SND1: variants seen among roughly 807,000 people sequenced by gnomAD.
The protein encoded by SND1 is staphylococcal nuclease domain-containing protein 1.
A neutral mutation model predicts 121.7 loss-of-function variants in SND1; 38 were observed. The observed-to-expected ratio is 0.31, with a 90% CI of 0.24 to 0.41. The LOEUF (loss-of-function observed/expected upper bound fraction) is 0.41. SND1 is among the 10% of genes least tolerant of loss of function. The probability of loss-of-function intolerance (pLI) is 1.00; values close to 1 mark genes in which losing one functional copy is unlikely to be tolerated. For synonymous variants in SND1, 401 were observed against 447.4 expected (o/e 0.90, Z 1.31); for missense variants, 868 against 1,184.6 (o/e 0.73, Z 3.92).
rs563516194 is a variant in SND1 at position 127,934,129 on chromosome 7, G to GT, written c.1669+4801dup. Among the ~76,000 whole-genome samples, 606 of 149,464 alleles carry GT rather than the reference G, an allele frequency of 4.1e-3. 3 individuals are homozygous for GT. The highest frequency in any genetic ancestry group is 6.7e-3 in the Admixed American group (100 of 14,942). Reference sequence around the variant, plus strand: ...TCAGAGAACACCTCCCTAGGTGCTGGTATCTTGAGCTGTGTTTTGAAGTAC... The same window carrying GT: ...TCAGAGAACACCTCCCTAGGTGCTGGTTATCTTGAGCTGTGTTTTGAAGTAC... On this transcript the variant is annotated intron_variant, in intron 15 of 23. Transcript: ENST00000354725.
intron 3 of SND1, among the ~76,000 whole-genome samples, chr7:127,697,879 A>G (rs1286502641): frequency 6.6e-5 from 10 of 152,134 alleles, no homozygotes; most frequent in East Asian, 3.9e-4. Flanking sequence ...GACATTACCT[A>G]TCAGTTAGAC....
At chr7:127,707,873 T>G (rs1176366770) in intron 9 of SND1, among the ~76,000 whole-genome samples, 1 of 151,722 alleles carries the variant, frequency 6.6e-6, no homozygotes, top group East Asian at 1.9e-4. Flanking sequence ...TTAGCTAACT[T>G]CAAACTAGCT....
In SND1 at chr7:128,005,179, G is replaced by A. The variant is rs569272904; in HGVS notation, c.1779+14123G>A. Among the ~76,000 whole-genome samples, 5 of 152,332 alleles carry A rather than the reference G, an allele frequency of 3.3e-5. 1 individual carries two copies. The highest frequency in any genetic ancestry group is 6.5e-5 in the Admixed American group (1 of 15,302). On this transcript the variant is annotated intron_variant, in intron 16 of 23. Transcript: ENST00000354725. ...AATTCATGAGGCCTTGGGATTCACA[G>A]CACCTCTCAATAATCTAGCCTTGTA... is the stretch of plus-strand genomic sequence containing the variant.
At chr7:127,671,635 C>G (rs11976841) in intron 1 of SND1, among the ~76,000 whole-genome samples, 2 of 151,994 alleles carry the variant, frequency 1.3e-5, no homozygotes, top group Non-Finnish European at 2.9e-5. Flanking sequence ...CTCAGCCTCC[C>G]GAGTAGCTGA....
intron 15 of SND1, among the ~76,000 whole-genome samples, chr7:127,945,452 C>G (rs1165851181): frequency 2.0e-5 from 3 of 151,972 alleles, no homozygotes; most frequent in Non-Finnish European, 4.4e-5. Flanking sequence ...GATCGCACCA[C>G]TGCACTCCAG....
chr7:127,803,958 G>C (rs571132896), intron 10 of SND1, among the ~76,000 whole-genome samples: 2 of 152,036 alleles, frequency 1.3e-5, no homozygotes, highest in African/African-American at 2.4e-5. Context: ...AGCACATATT[G>C]GTTTGTGTAT....
intron 17 of SND1, among the ~76,000 whole-genome samples, chr7:128,080,397 G>A (rs750975478): frequency 2.0e-5 from 3 of 152,280 alleles, no homozygotes; most frequent in Non-Finnish European, 4.4e-5. Context: ...AGAGAGGGAA[G>A]GGTGGAGAGC....
intron 10 of SND1, among the ~76,000 whole-genome samples, chr7:127,776,034 T>C (rs1797614401): frequency 6.6e-6 from 1 of 152,180 alleles, no homozygotes; most frequent in African/African-American, 2.4e-5. Context: ...AGTTTTCATT[T>C]TTAGAGATGA....
chr7:127,947,781 G>A (rs112136126), intron 15 of SND1, among the ~76,000 whole-genome samples: 8 of 152,158 alleles, frequency 5.3e-5, no homozygotes, highest in Non-Finnish European at 1.2e-4. Context: ...TACTATGTTG[G>A]TATGTGTCCT....
intron 16 of SND1, among the ~76,000 whole-genome samples, chr7:128,032,834 C>T (rs1792672046): frequency 2.0e-5 from 3 of 152,262 alleles, no homozygotes; most frequent in Non-Finnish European, 4.4e-5. Flanking sequence ...CTCACTGGGG[C>T]TTTAAATGAG....
At chr7:127,865,030 A>C (rs555954432) in intron 12 of SND1, among the ~76,000 whole-genome samples, 1 of 152,240 alleles carries the variant, frequency 6.6e-6, no homozygotes, top group Non-Finnish European at 1.5e-5. Flanking sequence ...ATAATCTGTC[A>C]TTATGCTAAT....
intron 16 of SND1, among the ~76,000 whole-genome samples, chr7:128,036,894 T>C (rs901692612): frequency 5.9e-5 from 9 of 152,212 alleles, no homozygotes; most frequent in Non-Finnish European, 1.3e-4. Context: ...TAATTGCCTG[T>C]GTATAGCAGT....
At chr7:127,828,730 T>C (rs928154979) in intron 11 of SND1, among the ~76,000 whole-genome samples, 1 of 152,238 alleles carries the variant, frequency 6.6e-6, no homozygotes, top group Non-Finnish European at 1.5e-5. Flanking sequence ...ATCAGGATAA[T>C]AAATTTATAG....
At chr7:127,752,899 A>C (rs1797125747) in intron 10 of SND1, among the ~76,000 whole-genome samples, 2 of 152,246 alleles carry the variant, frequency 1.3e-5, no homozygotes, top group Non-Finnish European at 2.9e-5. Flanking sequence ...GACCCCTGGT[A>C]TAATGCTTTT....
At chr7:127,972,538 T>G (rs891873322) in intron 15 of SND1, among the ~76,000 whole-genome samples, 2 of 152,128 alleles carry the variant, frequency 1.3e-5, no homozygotes, top group Non-Finnish European at 2.9e-5. Flanking sequence ...ATTACAGGTG[T>G]GAGCCACAGC....
chr7:127,804,141 G>C (rs1184476897), intron 10 of SND1, among the ~76,000 whole-genome samples: 1 of 152,110 alleles, frequency 6.6e-6, no homozygotes, highest in Non-Finnish European at 1.5e-5. Context: ...TTGCCTCTTG[G>C]AGATTTCAAA....
intron 14 of SND1, chr7:127,928,091 C>T (rs774919361): frequency 5.9e-5 from 9 of 152,314 alleles, no homozygotes; most frequent in South Asian, 4.1e-4. Context: ...GAAGGCCCTT[C>T]GCATCTATGT....
intron 1 of SND1, among the ~76,000 whole-genome samples, chr7:127,683,364 C>T (rs1795760146): frequency 6.6e-6 from 1 of 152,126 alleles, no homozygotes; most frequent in Admixed American, 6.5e-5. Context: ...TACTGATGTG[C>T]ACCACCACAC....
intron 10 of SND1, among the ~76,000 whole-genome samples, chr7:127,745,239 G>T (rs1177625113): frequency 6.6e-6 from 1 of 152,152 alleles, no homozygotes; most frequent in African/African-American, 2.4e-5. Flanking sequence ...ATAGCCTGTT[G>T]CTCCAGGCTG....
Sources: gnomAD v4.1 joint callset for allele counts (sites outside exome capture counted in the v4.1 genomes callset) on GRCh38, gnomAD v4.1.1 for gene constraint, MANE v1.5 for transcripts, NCBI Gene and HGNC (gene_info 2026-07-23, HGNC 2026-07-21) for gene names.